The following GALNT14 variants were observed in gnomAD, a reference collection of about 807,000 sequenced individuals.
GALNT14 encodes the protein polypeptide N-acetylgalactosaminyltransferase 14.
Under a neutral mutation model 77.5 loss-of-function variants are expected in GALNT14, and 60 were observed. The ratio of observed to expected loss-of-function variants is 0.77; its 90% CI spans 0.63 to 0.96. The LOEUF (loss-of-function observed/expected upper bound fraction) is 0.96. Ranked by LOEUF, GALNT14 falls within the 40% of genes least tolerant of loss-of-function variation. GALNT14 has a pLI of 0.00. For synonymous variants in GALNT14, 280 were observed against 281.7 expected (o/e 0.99, Z 0.06); for missense variants, 710 against 731.0 (o/e 0.97, Z 0.33).
intron 14 of GALNT14, 30 bp downstream of exon 14, chr2:30,912,193 C>T: frequency 1.2e-6 from 2 of 1,611,892 alleles, no homozygotes; most frequent in African/African-American, 1.3e-5. Context: ...ACGGAGTTGG[C>T]CACATCCCAG....
intron 1 of GALNT14, among the ~76,000 whole-genome samples, chr2:31,035,585 G>GTGTGTGTGTT (rs1277000855): frequency 7.4e-6 from 1 of 134,704 alleles, no homozygotes; most frequent in African/African-American, 2.9e-5. Flanking sequence ...GTGTGTGTGT[G>GTGTGTGTGTT]TATACATATA....
At position 30,995,130 on chromosome 2, in the gene GALNT14, T is replaced by TTGTGTG. The variant is rs3058232; in HGVS notation, c.130-2129_130-2124dup. Among the ~76,000 whole-genome samples, 1,349 of 144,102 alleles carry TTGTGTG rather than the reference T, an allele frequency of 9.4e-3. 13 individuals carry two copies. The highest frequency in any genetic ancestry group is 0.026 in the African/African-American group (992 of 38,560). 94.5% of individuals were successfully genotyped at this position (144,102 alleles called of 152,430 possible). The stretch of plus-strand genomic sequence containing the variant: ...GTCCTCTAGACAAGCAGAACCAATG[T>TTGTGTG]TGTGTGTGTGTGTGTGTGTGTGTGT... On this transcript the variant is annotated intron_variant, in intron 1 of 14. Transcript: ENST00000349752.
chr2:31,049,836 T>C (rs1318743807), intron 1 of GALNT14, among the ~76,000 whole-genome samples: 1 of 152,256 alleles, frequency 6.6e-6, no homozygotes, highest in Non-Finnish European at 1.5e-5. Flanking sequence ...AGCTTGTAAA[T>C]GGCATTAAAA....
At chr2:31,136,079 C>T (rs1371826632) in intron 1 of GALNT14, among the ~76,000 whole-genome samples, 2 of 152,008 alleles carry the variant, frequency 1.3e-5, no homozygotes, top group Non-Finnish European at 2.9e-5. Flanking sequence ...GCAGAACCAC[C>T]TAGGGAAAAA....
intron 9 of GALNT14, among the ~76,000 whole-genome samples, chr2:30,932,966 G>A (rs1404201990): frequency 6.6e-6 from 1 of 152,116 alleles, no homozygotes; most frequent in Non-Finnish European, 1.5e-5. Context: ...GCTGCTATGG[G>A]CCCTCAGAGA....
At chr2:31,039,543 G>C (rs1672972771) in intron 1 of GALNT14, among the ~76,000 whole-genome samples, 1 of 152,106 alleles carries the variant, frequency 6.6e-6, no homozygotes, top group South Asian at 2.1e-4. Flanking sequence ...TTTCCATCCA[G>C]TGGCCAATCA....
At chr2:30,942,392 A>G in intron 8 of GALNT14, 88 bp from the exon 9 acceptor site, 1 of 931,596 alleles carries the variant, frequency 1.1e-6, no homozygotes, top group Non-Finnish European at 1.7e-6. Flanking sequence ...TGAAACACCC[A>G]TTTCCCATTT....
Position 31,138,120 on chromosome 2 carries a change from C to T in GALNT14, c.-34G>A, listed in dbSNP as rs1474441791. On this transcript the variant is annotated 5_prime_UTR_variant, in exon 1 of 15. Transcript: ENST00000349752. ...TTGCCGCTTCCTCTCCGCGGCGCTA[C>T]GTCCCGGGGGCACCCCCCGGCGGTC... 6.2e-7 allele frequency: 1 copy of T among 1,612,978 alleles called. No individual in the cohort carries two copies. Among genetic ancestry groups the T allele is most frequent in the South Asian group, 1.1e-5 (1 of 91,036 alleles).
intron 1 of GALNT14, among the ~76,000 whole-genome samples, chr2:31,099,838 G>A (rs923385485): frequency 3.3e-5 from 5 of 150,436 alleles, no homozygotes; most frequent in African/African-American, 1.2e-4. Context: ...ACCTCATATG[G>A]GTTTTTTCAG....
rs750543793 is a variant in GALNT14 at position 30,912,355 on chromosome 2, A to G, written c.1381-13T>C. On this transcript the variant is annotated splice_polypyrimidine_tract_variant and intron_variant, in intron 13 of 14. Coordinates refer to ENST00000349752, the MANE Select transcript of GALNT14 (RefSeq NM_024572.4). ...TGAAGGCCCATACCTGGGGAGAAAG[A>G]GACCAGGAAGGTTTGTTCAGGATCC... 1 of 1,613,330 alleles carries G rather than the reference A, an allele frequency of 6.2e-7. No individual in the cohort carries two copies. The highest frequency in any genetic ancestry group is 1.7e-5 in the Admixed American group (1 of 59,908).
chr2:31,125,160 G>T lies in GALNT14; in HGVS notation c.129+12798C>A, dbSNP rs1375603136. ...GGACACACAGTCAACCTACCTGTAG[G>T]AAGATGCCCTCTTTGGTAGGGAGGA... On this transcript the variant is annotated intron_variant, in intron 1 of 14. Transcript: ENST00000349752. The T allele has an allele frequency of 4.5e-6, 7 of 1,549,534 alleles. No individual in the cohort carries two copies. In the South Asian group the frequency reaches 7.1e-5, roughly 16 times the overall value.
At chr2:31,121,161 A>G (rs1380260577) in intron 1 of GALNT14, among the ~76,000 whole-genome samples, 3 of 152,214 alleles carry the variant, frequency 2.0e-5, no homozygotes, top group East Asian at 3.9e-4. Flanking sequence ...TGCCTGTCCA[A>G]GGGCATTCTA....
intron 2 of GALNT14, among the ~76,000 whole-genome samples, chr2:30,977,389 C>T (rs1027219995): frequency 2.0e-5 from 3 of 152,170 alleles, no homozygotes; most frequent in African/African-American, 7.2e-5. Flanking sequence ...CCATACCCAG[C>T]CCTTCTCTCT....
chr2:30,990,475 G>C (rs1467611631), intron 2 of GALNT14, among the ~76,000 whole-genome samples: 1 of 135,194 alleles, frequency 7.4e-6, no homozygotes, highest in African/African-American at 3.0e-5. Context: ...CTAAGAGCTG[G>C]AAGTGTGAGA....
At chr2:31,058,392 A>G (rs566685280) in intron 1 of GALNT14, among the ~76,000 whole-genome samples, 2 of 152,230 alleles carry the variant, frequency 1.3e-5, no homozygotes, top group South Asian at 4.2e-4. Context: ...GTCTGCTTTC[A>G]TTGCAGGCAG....
intron 1 of GALNT14, among the ~76,000 whole-genome samples, chr2:31,083,705 G>A (rs541733305): frequency 6.6e-6 from 1 of 152,318 alleles, no homozygotes; most frequent in South Asian, 2.1e-4. Context: ...GTGTCTTTGT[G>A]GAAAGGTGTA....
the GALNT14 span, among the ~76,000 whole-genome samples, chr2:30,886,920 C>T: frequency 6.6e-6 from 1 of 152,236 alleles, no homozygotes; most frequent in African/African-American, 2.4e-5. Flanking sequence ...TTTCCCCAAG[C>T]CCCTGGCAAC....
At chr2:30,970,925 G>C (rs986890736) in intron 2 of GALNT14, among the ~76,000 whole-genome samples, 1 of 152,152 alleles carries the variant, frequency 6.6e-6, no homozygotes, top group Non-Finnish European at 1.5e-5. Context: ...TCAGAATCTC[G>C]CTCAAGGTGG....
At chr2:31,055,317 A>T (rs1558530954) in intron 1 of GALNT14, among the ~76,000 whole-genome samples, 1 of 152,218 alleles carries the variant, frequency 6.6e-6, no homozygotes, top group Non-Finnish European at 1.5e-5. Context: ...AAAGAACATA[A>T]ATGGCATGGG....
Sources: allele counts gnomAD v4.1 joint callset (sites outside exome capture counted in the v4.1 genomes callset), GRCh38; gene constraint gnomAD v4.1.1; transcripts MANE v1.5; gene names NCBI Gene and HGNC (gene_info 2026-07-23, HGNC 2026-07-21).